Variants in TXNDC16 observed in about 807,000 individuals in gnomAD.
TXNDC16 encodes the protein thioredoxin domain containing 16.
Under a neutral mutation model 85.6 loss-of-function variants are expected in TXNDC16, and 74 were observed. That is an observed-to-expected ratio of 0.86 (90% CI 0.72 to 1.05). The LOEUF is 1.05. Among genes scored for constraint, TXNDC16 ranks in the 50% least tolerant of loss-of-function variants. TXNDC16 has a pLI of 0.00. For synonymous variants in TXNDC16, 335 were observed against 326.5 expected, an observed-to-expected ratio of 1.03 and a Z score of -0.28; for missense variants, 959 against 947.0, an observed-to-expected ratio of 1.01 and a Z score of -0.17.
intron 10 of TXNDC16, 100 bp from the exon 11 acceptor site, chr14:52,490,551 A>G (rs1399099883): frequency 1.0e-6 from 1 of 952,418 alleles, no homozygotes; most frequent in Non-Finnish European, 1.5e-6. Context: ...TATACTAAAA[A>G]TTATGAAAAA....
chr14:52,536,812 C>T lies in TXNDC16; in HGVS notation c.318-19G>A. The T allele has an allele frequency of 6.4e-7, 1 of 1,572,628 alleles. No individual in the cohort carries two copies. The highest frequency in any genetic ancestry group is 8.7e-7 in the Non-Finnish European group (1 of 1,154,404). The stretch of plus-strand genomic sequence containing the variant: ...GTTGCCCCTATAAAAAGTTTAAAAA[C>T]ATATTAATATTGAAAAATACAAAAA... On this transcript the variant is annotated intron_variant, in intron 5 of 20. Coordinates refer to ENST00000281741, the MANE Select transcript of TXNDC16 (RefSeq NM_020784.3).
At chr14:52,452,976 A>G (rs185153283) in intron 18 of TXNDC16, among the ~76,000 whole-genome samples, 2 of 152,312 alleles carry the variant, frequency 1.3e-5, no homozygotes, top group East Asian at 3.9e-4. Flanking sequence ...GAACTGATAC[A>G]ACTCTGTATC....
intron 1 of TXNDC16, 70 bp downstream of exon 1, chr14:52,552,246 A>G (rs2140241629): frequency 6.6e-6 from 1 of 152,538 alleles, no homozygotes; most frequent in Non-Finnish European, 1.5e-5. Context: ...GGCTACAGAA[A>G]GCTGCTTCGT....
At chr14:52,434,958 G>A (rs2034991977) in intron 20 of TXNDC16, among the ~76,000 whole-genome samples, 1 of 152,240 alleles carries the variant, frequency 6.6e-6, no homozygotes. Context: ...AAACTCAGAA[G>A]TATAACGTTG....
intron 7 of TXNDC16, among the ~76,000 whole-genome samples, chr14:52,518,828 ATAATT>A (rs909949921): frequency 9.9e-5 from 15 of 152,140 alleles, no homozygotes; most frequent in Non-Finnish European, 1.6e-4. Context: ...TTTAATTAAA[ATAATT>A]TATTTTAATT....
chr14:52,511,308 GTGTTCT>G lies in TXNDC16; in HGVS notation c.682_687del (p.Arg228_Thr229del). 6.2e-7 allele frequency: 1 copy of G among 1,609,192 alleles called. No homozygotes were observed. Among genetic ancestry groups the G allele is most frequent in the Non-Finnish European group, 8.5e-7 (1 of 1,176,744 alleles). ...AGTGTAGTCAATGGCTGTTCCATTAGTGTTCTTCTACATTGCTGGGTCAAGTCCAAG... is the reference window on the plus strand; with the variant it reads ...AGTGTAGTCAATGGCTGTTCCATTAGTCTACATTGCTGGGTCAAGTCCAAG... On this transcript the variant is annotated inframe_deletion, in exon 9 of 21. Transcript: ENST00000281741.
chr14:52,521,961 T>C (rs2037220834), intron 6 of TXNDC16, among the ~76,000 whole-genome samples: 1 of 152,158 alleles, frequency 6.6e-6, no homozygotes, highest in South Asian at 2.1e-4. Flanking sequence ...ACTGACCACT[T>C]ATAAAAATGG....
intron 18 of TXNDC16, among the ~76,000 whole-genome samples, chr14:52,452,777 C>T (rs1351108024): frequency 2.6e-5 from 4 of 152,082 alleles, no homozygotes; most frequent in Non-Finnish European, 5.9e-5. Context: ...TGGGCAAAGA[C>T]TTCTTGAGCA....
intron 6 of TXNDC16, among the ~76,000 whole-genome samples, chr14:52,528,645 A>T (rs1174798636): frequency 3.3e-5 from 5 of 151,146 alleles, no homozygotes; most frequent in Non-Finnish European, 5.9e-5. Context: ...AATACAAAAA[A>T]ATTGCTTAGT....
Position 52,471,790 on chromosome 14 carries a change from C to T in TXNDC16, c.1313-1110G>A, listed in dbSNP as rs113663513. On this transcript the variant is annotated intron_variant, in intron 14 of 20. Transcript: ENST00000281741. ...TTTCTTTTCAGCCTAAGAAAACACA[C>T]AGTAGAATCTCAAGCAGAAATTCCT... is the stretch of plus-strand genomic sequence containing the variant. Among the ~76,000 whole-genome samples, 7 of 151,806 alleles carry T rather than the reference C, an allele frequency of 4.6e-5. No homozygotes were observed. The East Asian group carries it at 5.8e-4, about 13-fold the overall frequency.
intron 18 of TXNDC16, among the ~76,000 whole-genome samples, chr14:52,445,365 C>T (rs2140105897): frequency 6.6e-6 from 1 of 152,206 alleles, no homozygotes; most frequent in East Asian, 1.9e-4. Context: ...CACAAAAAGA[C>T]TTAATAAAGA....
chr14:52,461,689 C>A (rs1185785439), intron 16 of TXNDC16, among the ~76,000 whole-genome samples: 2 of 152,188 alleles, frequency 1.3e-5, no homozygotes, highest in South Asian at 2.1e-4. Context: ...CCACTCCCAG[C>A]ATGGCCATGA....
intron 16 of TXNDC16, among the ~76,000 whole-genome samples, chr14:52,458,324 G>A (rs1018123177): frequency 1.3e-5 from 2 of 152,100 alleles, no homozygotes; most frequent in Non-Finnish European, 2.9e-5. Flanking sequence ...TTTGGGAGGC[G>A]AGGTGGGTGG....
chr14:52,544,044 T>C (rs962968952), intron 2 of TXNDC16, among the ~76,000 whole-genome samples: 41 of 152,254 alleles, frequency 2.7e-4, no homozygotes, highest in African/African-American at 8.9e-4. Flanking sequence ...ATGCCTAATA[T>C]GTTTACTTTT....
At chr14:52,490,591 A>T in intron 10 of TXNDC16, 140 bp from the exon 11 acceptor site, 1 of 789,352 alleles carries the variant, frequency 1.3e-6, no homozygotes. Flanking sequence ...GAAAAATTTT[A>T]CACGTAAACA....
chr14:52,530,469 A>ATG (rs1451767950), intron 6 of TXNDC16, among the ~76,000 whole-genome samples: 8 of 18,272 alleles, frequency 4.4e-4, no homozygotes, highest in Non-Finnish European at 5.1e-4. Context: ...TATATATTAT[A>ATG]TATTATTATA....
chr14:52,468,868 C>A (rs1207591429), intron 16 of TXNDC16, among the ~76,000 whole-genome samples: 2 of 151,202 alleles, frequency 1.3e-5, no homozygotes, highest in African/African-American at 4.9e-5. Context: ...TAGGGCGAGA[C>A]CCTGTCTCAA....
At chr14:52,486,619 G>A (rs2036278500) in intron 12 of TXNDC16, among the ~76,000 whole-genome samples, 1 of 151,996 alleles carries the variant, frequency 6.6e-6, no homozygotes, top group African/African-American at 2.4e-5. Context: ...TTCTCAGATG[G>A]TAATAAATTC....
chr14:52,495,735 T>C (rs1162514090), intron 9 of TXNDC16, among the ~76,000 whole-genome samples: 3 of 152,200 alleles, frequency 2.0e-5, no homozygotes, highest in African/African-American at 7.2e-5. Flanking sequence ...CCTAAAGCCT[T>C]ATCCCATCAA....
Sources: allele counts gnomAD v4.1 joint callset (sites outside exome capture counted in the v4.1 genomes callset), GRCh38; gene constraint gnomAD v4.1.1; transcripts MANE v1.5; gene names NCBI Gene and HGNC (gene_info 2026-07-23, HGNC 2026-07-21).